PRKG1: variants seen among roughly 807,000 people sequenced by gnomAD.
The protein encoded by PRKG1 is cGMP-dependent protein kinase 1.
PRKG1 carries 35 observed loss-of-function variants against 88.1 expected under a neutral mutation model. The observed-to-expected ratio is 0.40, with a 90% CI of 0.30 to 0.53. The LOEUF (loss-of-function observed/expected upper bound fraction) is 0.53. Among genes scored for constraint, PRKG1 ranks in the 20% least tolerant of loss-of-function variants. The probability of loss-of-function intolerance (pLI) is 0.59; values close to 1 mark genes in which losing one functional copy is unlikely to be tolerated. For missense variants in PRKG1, 540 were observed against 839.8 expected (o/e 0.64, Z 4.41); for synonymous variants, 303 against 292.5 (o/e 1.04, Z -0.37).
intron 2 of PRKG1, among the ~76,000 whole-genome samples, chr10:51,254,793 A>G (rs61849752): frequency 7.1e-4 from 108 of 152,162 alleles, no homozygotes; most frequent in Non-Finnish European, 1.3e-3. Context: ...TGAGATTTTC[A>G]TTGAAACCAA....
At chr10:51,413,558 A>G (rs1339822000) in intron 2 of PRKG1, among the ~76,000 whole-genome samples, 1 of 151,956 alleles carries the variant, frequency 6.6e-6, no homozygotes, top group Non-Finnish European at 1.5e-5. Context: ...ATGGGGTTTC[A>G]CCATGATGGC....
intron 2 of PRKG1, among the ~76,000 whole-genome samples, chr10:51,375,060 C>T (rs2132617281): frequency 6.6e-6 from 1 of 152,226 alleles, no homozygotes; most frequent in African/African-American, 2.4e-5. Flanking sequence ...TGTAACATTC[C>T]ATTACCTTTT....
At chr10:51,154,584 G>A (rs1846159246) in intron 2 of PRKG1, among the ~76,000 whole-genome samples, 1 of 151,892 alleles carries the variant, frequency 6.6e-6, no homozygotes, top group African/African-American at 2.4e-5. Context: ...CAGTATATAA[G>A]AAATATTCTT....
At chr10:51,613,139 C>T (rs549858500) in intron 3 of PRKG1, among the ~76,000 whole-genome samples, 3 of 152,014 alleles carry the variant, frequency 2.0e-5, no homozygotes, top group Admixed American at 2.0e-4. Flanking sequence ...ACTGTGAATC[C>T]ATCCAGTCCT....
intron 5 of PRKG1, among the ~76,000 whole-genome samples, chr10:51,962,998 G>A (rs1420833418): frequency 1.1e-4 from 16 of 152,178 alleles, no homozygotes; most frequent in Non-Finnish European, 1.0e-4. Context: ...AAGAAAGGCT[G>A]GATGCTCTCA....
intron 3 of PRKG1, among the ~76,000 whole-genome samples, chr10:51,803,149 G>C (rs1353767786): frequency 1.3e-5 from 2 of 151,992 alleles, no homozygotes; most frequent in East Asian, 3.9e-4. Flanking sequence ...CAAGTAAAAG[G>C]GTATTGTAGA....
At chr10:51,214,390 T>A (rs1268403109) in intron 2 of PRKG1, among the ~76,000 whole-genome samples, 1 of 152,210 alleles carries the variant, frequency 6.6e-6, no homozygotes, top group Non-Finnish European at 1.5e-5. Context: ...GGGCATGGAG[T>A]CAGCAGTATG....
intron 2 of PRKG1, among the ~76,000 whole-genome samples, chr10:51,458,081 A>C: frequency 6.6e-6 from 1 of 152,286 alleles, no homozygotes; most frequent in South Asian, 2.1e-4. Flanking sequence ...TTTTAAAACA[A>C]TGTGCAGGTA....
chr10:51,437,384 A>G (rs1838964400), intron 2 of PRKG1, among the ~76,000 whole-genome samples: 1 of 152,036 alleles, frequency 6.6e-6, no homozygotes, highest in Non-Finnish European at 1.5e-5. Flanking sequence ...TAAGTTGACC[A>G]ATGCTATACA....
chr10:51,582,531 A>G, intron 3 of PRKG1, among the ~76,000 whole-genome samples: 1 of 148,704 alleles, frequency 6.7e-6, no homozygotes, highest in South Asian at 2.2e-4. Flanking sequence ...TTCAGCTCCC[A>G]GTTATAAGTG....
At chr10:51,824,010 A>C (rs1015530821) in intron 4 of PRKG1, among the ~76,000 whole-genome samples, 5 of 151,732 alleles carry the variant, frequency 3.3e-5, no homozygotes, top group Non-Finnish European at 7.4e-5. Context: ...AGTAGCTAGG[A>C]CTACATGTGT....
chr10:52,128,595 T>G (rs1462544916), intron 7 of PRKG1: 11 of 983,778 alleles, frequency 1.1e-5, no homozygotes, highest in African/African-American at 1.7e-5. Flanking sequence ...TTTCATGCTC[T>G]ATTGTTTCAC....
Position 52,280,309 on chromosome 10 carries a change from G to C in PRKG1, c.1404-480G>C, listed in dbSNP as rs558796032. ...CTTTGAAAACAGTTGCTTTTATTCA[G>C]ACTCTCATGAACCATATCTGCATTA... On this transcript the variant is annotated intron_variant, in intron 12 of 17. Coordinates refer to ENST00000373980, the MANE Select transcript of PRKG1 (RefSeq NM_006258.4). Among the ~76,000 whole-genome samples, 461 of 152,156 alleles carry C rather than the reference G, an allele frequency of 3.0e-3. 2 individuals carry two copies. Among genetic ancestry groups the C allele is most frequent in the African/African-American group, 0.011 (446 of 41,496 alleles).
Position 52,203,608 on chromosome 10 carries a change from T to C in PRKG1, c.1076+41645T>C, listed in dbSNP as rs1440842164. ...CTGCCTCAATGATCTATCTAACAAG[T>C]GGTGTGTAGAAGTCTCCCACTATTA... On this transcript the variant is annotated intron_variant, in intron 9 of 17. Coordinates refer to ENST00000373980, the MANE Select transcript of PRKG1 (RefSeq NM_006258.4). 2.0e-5 allele frequency among the ~76,000 whole-genome samples: 3 copies of C among 152,176 alleles called. No homozygotes were observed. In the East Asian group the frequency reaches 5.8e-4, roughly 29 times the overall value.
chr10:51,953,220 G>C (rs748746343), intron 5 of PRKG1, among the ~76,000 whole-genome samples: 7 of 152,116 alleles, frequency 4.6e-5, no homozygotes, highest in Non-Finnish European at 1.0e-4. Flanking sequence ...TTAACAAGTC[G>C]TAGGAAATTT....
At chr10:51,735,887 T>TATA (rs1564626598) in intron 3 of PRKG1, among the ~76,000 whole-genome samples, 5 of 125,980 alleles carry the variant, frequency 4.0e-5, no homozygotes, top group African/African-American at 1.8e-4. Flanking sequence ...ATATGTATAT[T>TATA]TATTTATTTA....
At chr10:51,565,444 AT>A (rs1190030720) in intron 3 of PRKG1, among the ~76,000 whole-genome samples, 1 of 152,068 alleles carries the variant, frequency 6.6e-6, no homozygotes, top group Admixed American at 6.6e-5. Context: ...AAACAAAAAA[AT>A]GTAAAGCATA....
intron 1 of PRKG1, among the ~76,000 whole-genome samples, chr10:51,135,878 C>G (rs1290166917): frequency 6.9e-6 from 1 of 145,532 alleles, no homozygotes; most frequent in African/African-American, 2.6e-5. Context: ...TGAAGGTATC[C>G]TAACCTAGAA....
intron 2 of PRKG1, among the ~76,000 whole-genome samples, chr10:51,221,405 G>A (rs1838525719): frequency 1.3e-5 from 2 of 151,844 alleles, no homozygotes; most frequent in African/African-American, 4.8e-5. Context: ...TTTAAGATGT[G>A]CACAAATTAA....
Sources: allele counts gnomAD v4.1 joint callset (sites outside exome capture counted in the v4.1 genomes callset), GRCh38; gene constraint gnomAD v4.1.1; transcripts MANE v1.5; gene names NCBI Gene and HGNC (gene_info 2026-07-23, HGNC 2026-07-21).